The following TMPRSS9 variants were observed in gnomAD, a reference collection of about 807,000 sequenced individuals.
TMPRSS9 encodes transmembrane protease serine 9.
Under a neutral mutation model 111.4 loss-of-function variants are expected in TMPRSS9, and 113 were observed. The observed-to-expected ratio is 1.01, with a 90% CI of 0.87 to 1.19. The LOEUF (loss-of-function observed/expected upper bound fraction) is 1.19, where lower values mean the gene tolerates loss of function less well. TMPRSS9 is among the 50% of genes most tolerant of loss of function. TMPRSS9 has a pLI of 0.00. For missense variants in TMPRSS9, 1,803 were observed against 1,513.1 expected (o/e 1.19, Z -3.18); for synonymous variants, 805 against 659.1 (o/e 1.22, Z -3.39).
chr19:2,374,119 T>C (rs1970311511), intron 1 of TMPRSS9, among the ~76,000 whole-genome samples: 1 of 151,976 alleles, frequency 6.6e-6, no homozygotes, highest in Non-Finnish European at 1.5e-5. Flanking sequence ...CTCTGACCCC[T>C]CCGCGGCTTC....
exon 17 of TMPRSS9, chr19:2,425,403 C>T (rs375639705): frequency 1.9e-6 from 3 of 1,566,944 alleles, no homozygotes; most frequent in Admixed American, 1.8e-5. Flanking sequence ...GCCTCCTCAG[C>T]GAGCAGACCT....
chr19:2,383,523 G>A (rs1970411804), intron 1 of TMPRSS9, among the ~76,000 whole-genome samples: 1 of 150,680 alleles, frequency 6.6e-6, no homozygotes, highest in African/African-American at 2.4e-5. Flanking sequence ...TTTTCTTAGA[G>A]GCAGGGTCTC....
chr19:2,385,112 G>C (rs1359875189), upstream of TMPRSS9, among the ~76,000 whole-genome samples: 1 of 150,670 alleles, frequency 6.6e-6, no homozygotes. Context: ...CCCATCCATT[G>C]GTGAGAAGGG....
chr19:2,395,935 G>A (rs1051867720), intron 1 of TMPRSS9, among the ~76,000 whole-genome samples: 5 of 152,202 alleles, frequency 3.3e-5, no homozygotes, highest in African/African-American at 1.2e-4. Flanking sequence ...ATGAACCCGG[G>A]AGGCGCAGCT....
chr19:2,399,244 G>T, intron 4 of TMPRSS9, 51 bp downstream of exon 5: 7 of 1,521,700 alleles, frequency 4.6e-6, no homozygotes, highest in South Asian at 1.3e-5. Context: ...CTGGAGTGGG[G>T]CAGGAGCTGC....
intron 7 of TMPRSS9, among the ~76,000 whole-genome samples, chr19:2,407,932 C>T (rs1971005678): frequency 6.6e-6 from 1 of 151,850 alleles, no homozygotes; most frequent in Admixed American, 6.6e-5. Flanking sequence ...TACAGGCGCC[C>T]ATCACTATGC....
rs778889543 is a variant in TMPRSS9 at position 2,422,226 on chromosome 19, A to G, written c.2527A>G (p.Thr843Ala). 33 of 1,513,618 alleles carry G rather than the reference A, an allele frequency of 2.2e-5. No individual in the cohort carries two copies. In the Middle Eastern group the frequency reaches 1.1e-3, roughly 49 times the overall value. The allele number at this position is 1,513,618 out of a possible 1,614,324, so 93.8% of individuals were successfully genotyped here. A position where few individuals can be genotyped will look rare whatever the true frequency, so the allele number is the denominator to read the frequency against. ...GCCATTTCCAGACGCCCCGGAGGCCACCACACACACCCAGCTACCAGGTAC... is the reference window on the plus strand; with the variant it reads ...GCCATTTCCAGACGCCCCGGAGGCCGCCACACACACCCAGCTACCAGGTAC... Residue 843 changes from threonine (T) to alanine (A), a missense_variant, in exon 14 of 18, where the codon ACC (threonine) becomes GCC (alanine). By Grantham distance (58) the Thr-to-Ala change is moderately conservative. Transcript: ENST00000648592.
chr19:2,373,833 G>C (rs1247284195), intron 1 of TMPRSS9, among the ~76,000 whole-genome samples: 2 of 152,224 alleles, frequency 1.3e-5, no homozygotes, highest in Non-Finnish European at 2.9e-5. Flanking sequence ...ACGTGGCCTA[G>C]GGAGGTTGCA....
chr19:2,416,696 C>T (rs1971242264), exon 12 of TMPRSS9: 4 of 1,613,204 alleles, frequency 2.5e-6, no homozygotes, highest in Middle Eastern at 3.3e-4. Flanking sequence ...CTGGCCAGCC[C>T]CCTGGCCTTC....
Position 2,403,061 on chromosome 19 carries a change from T to C in TMPRSS9, c.557-21T>C, listed in dbSNP as rs1255633339. 3.8e-6 allele frequency: 6 copies of C among 1,580,422 alleles called. No homozygotes were observed. In the South Asian group the frequency reaches 5.8e-5, roughly 15 times the overall value. ...GGAGATGTAGCATGAGGTCAGAAAG[T>C]CGGTTCTTTTCTGTCCTCAGGCCGC... On this transcript the variant is annotated intron_variant, in intron 5 of 17. Transcript: ENST00000648592.
In TMPRSS9 at chr19:2,424,078, C is replaced by G. The variant is rs2145422172; in HGVS notation, c.2549-11C>G. 3.2e-6 allele frequency: 4 copies of G among 1,265,946 alleles called. No homozygotes were observed. Among genetic ancestry groups the G allele is most frequent in the Middle Eastern group, 3.0e-4 (1 of 3,304 alleles). 78.4% of individuals were successfully genotyped at this position (1,265,946 alleles called of 1,614,324 possible). On this transcript the variant is annotated splice_polypyrimidine_tract_variant and intron_variant, in intron 14 of 17. Transcript: ENST00000648592. ...TGGGTCCGCCTGCCCACGCGCCTGG[C>G]TCCCCCGCAGACTGTGGCCTGGCGC...
At chr19:2,400,781 C>T (rs575705485) in intron 4 of TMPRSS9, among the ~76,000 whole-genome samples, 29 of 149,956 alleles carry the variant, frequency 1.9e-4, no homozygotes, top group African/African-American at 6.4e-4. Flanking sequence ...TGAGACCAGC[C>T]GGGCCAACAC....
chr19:2,405,639 G>C, intron 7 of TMPRSS9, 94 bp downstream of exon 8: 1 of 1,308,722 alleles, frequency 7.6e-7, no homozygotes, highest in Non-Finnish European at 1.0e-6. Context: ...TTTCCTTAGA[G>C]CCCCTGGAAG....
At chr19:2,361,737 C>T (rs1201082689) in intron 1 of TMPRSS9, among the ~76,000 whole-genome samples, 2 of 152,202 alleles carry the variant, frequency 1.3e-5, no homozygotes, top group Non-Finnish European at 2.9e-5. Context: ...TATAGGGGGT[C>T]AAACCAGGCC....
rs151005054 is a variant in TMPRSS9 at position 2,402,901 on chromosome 19, G to A, written c.557-181G>A. ...GCTGTGATTGCACCACTGCACTCCC[G>A]TTTGGGTAACAGAGCTAGACCCTGT... On this transcript the variant is annotated intron_variant, in intron 5 of 17. Coordinates refer to ENST00000648592, the Ensembl canonical transcript of TMPRSS9. Among the ~76,000 whole-genome samples the A allele has an allele frequency of 3.8e-4, 58 of 152,230 alleles. 1 individual carries two copies. Among genetic ancestry groups the A allele is most frequent in the Middle Eastern group, 3.4e-3 (1 of 294 alleles).
chr19:2,391,740 CTTT>C (rs111240493), intron 1 of TMPRSS9, among the ~76,000 whole-genome samples: 1 of 132,952 alleles, frequency 7.5e-6, no homozygotes, highest in Non-Finnish European at 1.6e-5. Flanking sequence ...GAAAGGAAGT[CTTT>C]TTTTTTTTTT....
chr19:2,423,950 A>T, intron 14 of TMPRSS9, 139 bp from the exon 16 acceptor site: 1 of 899,364 alleles, frequency 1.1e-6, no homozygotes, highest in Non-Finnish European at 1.5e-6. Context: ...TTTCCTGCTG[A>T]GTTTTCCTGG....
At chr19:2,386,492 A>G (rs1029323746), upstream of TMPRSS9, among the ~76,000 whole-genome samples, 31 of 151,504 alleles carry the variant, frequency 2.0e-4, no homozygotes, top group Middle Eastern at 6.8e-3. Flanking sequence ...GTGACAGAGC[A>G]AGACTCCGTC....
intron 9 of TMPRSS9, among the ~76,000 whole-genome samples, chr19:2,413,300 G>C (rs770294996): frequency 5.3e-5 from 8 of 152,182 alleles, no homozygotes; most frequent in African/African-American, 7.2e-5. Context: ...CAGCAGATGA[G>C]CACTTTGGGA....
Sources: gnomAD v4.1 joint callset for allele counts (sites outside exome capture counted in the v4.1 genomes callset) on GRCh38, gnomAD v4.1.1 for gene constraint, MANE v1.5 for transcripts, NCBI Gene and HGNC (gene_info 2026-07-23, HGNC 2026-07-21) for gene names.